The following NELL1 variants were observed in gnomAD, a reference collection of about 807,000 sequenced individuals.
NELL1 encodes protein kinase C-binding protein NELL1.
In NELL1, 76 loss-of-function variants were observed where a neutral mutation model predicts 107.4. That is an observed-to-expected ratio of 0.71 (90% confidence interval 0.59 to 0.86). The LOEUF (loss-of-function observed/expected upper bound fraction) is 0.86. Among genes scored for constraint, NELL1 ranks in the 40% least tolerant of loss-of-function variants. The pLI, the probability that NELL1 is intolerant of heterozygous loss-of-function variation, is 0.00. For synonymous variants in NELL1, 353 were observed against 341.2 expected (o/e 1.03, Z -0.38); for missense variants, 1,024 against 1,005.5 (o/e 1.02, Z -0.25).
intron 13 of NELL1, among the ~76,000 whole-genome samples, chr11:21,184,156 T>C (rs1856884510): frequency 6.6e-6 from 1 of 151,900 alleles, no homozygotes; most frequent in African/African-American, 2.4e-5. Context: ...TCCTCTTTTG[T>C]AAAATGAAGT....
intron 3 of NELL1, among the ~76,000 whole-genome samples, chr11:20,825,641 C>T (rs1418587703): frequency 6.6e-6 from 1 of 151,344 alleles, no homozygotes; most frequent in African/African-American, 2.4e-5. Context: ...AAGCCAATAC[C>T]TGTACCTCCA....
chr11:21,194,456 T>C lies in NELL1; in HGVS notation c.1427-34876T>C, dbSNP rs575583431. ...AAATGCATATGTCTGGACCCCCCCATAGAGATTCTGATTTAGTTGATCTGG... is the reference window on the plus strand; with the variant it reads ...AAATGCATATGTCTGGACCCCCCCACAGAGATTCTGATTTAGTTGATCTGG... On this transcript the variant is annotated intron_variant, in intron 13 of 19. Transcript: ENST00000357134. Among the ~76,000 whole-genome samples, 4 of 152,152 alleles carry C rather than the reference T, an allele frequency of 2.6e-5. No homozygotes were observed. The South Asian group carries it at 8.3e-4, about 32-fold the overall frequency.
intron 13 of NELL1, among the ~76,000 whole-genome samples, chr11:21,228,291 T>A (rs1857945502): frequency 1.3e-5 from 2 of 152,220 alleles, no homozygotes; most frequent in South Asian, 2.1e-4. Context: ...TAACTTGGAA[T>A]CTTTTCATCT....
chr11:21,522,287 C>A (rs557724715), intron 15 of NELL1, among the ~76,000 whole-genome samples: 274 of 151,264 alleles, frequency 1.8e-3, no homozygotes, highest in African/African-American at 6.3e-3. Context: ...AAGTACTATT[C>A]GCAATAATGA....
chr11:21,172,634 T>C (rs1380196064), intron 13 of NELL1, among the ~76,000 whole-genome samples: 1 of 151,304 alleles, frequency 6.6e-6, no homozygotes, highest in African/African-American at 2.4e-5. Flanking sequence ...TTTTTAATTA[T>C]TTTTTTTTCT....
chr11:21,248,018 T>G (rs1011814291), intron 14 of NELL1, among the ~76,000 whole-genome samples: 1 of 152,088 alleles, frequency 6.6e-6, no homozygotes, highest in Non-Finnish European at 1.5e-5. Flanking sequence ...TTGGCAGAAA[T>G]TTTAAAAGTT....
At chr11:20,982,702 GTCTC>G (rs151245117) in intron 12 of NELL1, among the ~76,000 whole-genome samples, 3,138 of 151,658 alleles carry the variant, frequency 0.021, 117 homozygotes, top group African/African-American at 0.072. Context: ...CGTAAGCAAA[GTCTC>G]TCTCTCCTCA....
chr11:21,021,627 T>C (rs1482362860), intron 12 of NELL1, among the ~76,000 whole-genome samples: 5 of 152,144 alleles, frequency 3.3e-5, no homozygotes, highest in Admixed American at 1.3e-4. Context: ...AATTGCATTA[T>C]GTACATGGTA....
At chr11:20,769,332 T>C (rs1856595879) in intron 2 of NELL1, 2 of 152,268 alleles carry the variant, frequency 1.3e-5, no homozygotes, top group African/African-American at 2.4e-5. Flanking sequence ...AAGAATGCAG[T>C]GTCAAAAGGG....
At chr11:21,274,680 A>C (rs1474906066) in intron 14 of NELL1, among the ~76,000 whole-genome samples, 1 of 152,190 alleles carries the variant, frequency 6.6e-6, no homozygotes, top group Non-Finnish European at 1.5e-5. Flanking sequence ...GTAAAAGAAC[A>C]AAAATTATAA....
At chr11:21,229,534 G>A in intron 14 of NELL1, 80 bp downstream of exon 14, 1 of 1,576,490 alleles carries the variant, frequency 6.3e-7, no homozygotes, top group Non-Finnish European at 8.7e-7. Context: ...GACCTTCTTG[G>A]TAACTCTTGG....
At chr11:21,430,816 T>C (rs989035673) in intron 15 of NELL1, among the ~76,000 whole-genome samples, 1 of 152,140 alleles carries the variant, frequency 6.6e-6, no homozygotes, top group East Asian at 1.9e-4. Context: ...CAGCAATGTG[T>C]TCGTATTTGT....
Position 20,915,717 on chromosome 11 carries a change from A to ATATATATATATATATATTTTTT in NELL1, c.604-2464_604-2463insATATATATATATATATTTTTTT. On this transcript the variant is annotated intron_variant, in intron 5 of 19. Transcript: ENST00000357134. ...TCATAGATGATATATATATATATAT[A>ATATATATATATATATATTTTTT]TTTTTTTTTTTTTTTTTTGAGAGGA... 3.8e-3 allele frequency among the ~76,000 whole-genome samples: 219 copies of ATATATATATATATATATTTTTT among 58,192 alleles called. 7 individuals carry two copies. Among genetic ancestry groups the ATATATATATATATATATTTTTT allele is most frequent in the Non-Finnish European group, 5.0e-3 (170 of 34,142 alleles). 38.2% of individuals were successfully genotyped at this position (58,192 alleles called of 152,430 possible). A position where few individuals can be genotyped will look rare whatever the true frequency, so the allele number is the denominator to read the frequency against.
chr11:21,447,712 C>T (rs933477505), intron 15 of NELL1, among the ~76,000 whole-genome samples: 1 of 152,162 alleles, frequency 6.6e-6, no homozygotes, highest in Admixed American at 6.5e-5. Flanking sequence ...CTTAGCCACC[C>T]TGGCTTGTGT....
chr11:20,804,905 A>T (rs1485755043), intron 3 of NELL1, among the ~76,000 whole-genome samples: 1 of 151,950 alleles, frequency 6.6e-6, no homozygotes, highest in Admixed American at 6.5e-5. Context: ...TTTTATTGAG[A>T]TCTCTCTTTG....
chr11:20,824,657 G>A (rs2403636), intron 3 of NELL1, among the ~76,000 whole-genome samples: 100,751 of 150,904 alleles, frequency 0.67, 35,220 homozygotes, highest in Non-Finnish European at 0.74. Flanking sequence ...AACTTGTTGG[G>A]AAATGGAGCA....
chr11:20,992,517 C>T (rs1219009736), intron 12 of NELL1, among the ~76,000 whole-genome samples: 2 of 152,034 alleles, frequency 1.3e-5, no homozygotes, highest in Non-Finnish European at 2.9e-5. Context: ...GGTTCTAGTT[C>T]TGTTCATAGT....
At chr11:21,522,829 C>CTT (rs1353302545) in intron 15 of NELL1, among the ~76,000 whole-genome samples, 4 of 109,170 alleles carry the variant, frequency 3.7e-5, no homozygotes, top group South Asian at 3.0e-4. Flanking sequence ...CTATTTTTTT[C>CTT]TTTTCTTTTT....
chr11:21,274,308 TTACA>T (rs1407706572), intron 14 of NELL1, among the ~76,000 whole-genome samples: 2 of 151,924 alleles, frequency 1.3e-5, no homozygotes, highest in Non-Finnish European at 2.9e-5. Context: ...GACAAGTCCA[TTACA>T]TAATGGTAAA....
Sources: allele counts gnomAD v4.1 joint callset (sites outside exome capture counted in the v4.1 genomes callset), GRCh38; gene constraint gnomAD v4.1.1; transcripts MANE v1.5; gene names NCBI Gene and HGNC (gene_info 2026-07-23, HGNC 2026-07-21).